The following DHX9 variants were observed in gnomAD, a reference collection of about 807,000 sequenced individuals.
The protein encoded by DHX9 is ATP-dependent RNA helicase A.
In DHX9, 27 loss-of-function variants were observed where a neutral mutation model predicts 148.7. The observed-to-expected ratio is 0.18, with a 90% CI of 0.13 to 0.25. DHX9 has a LOEUF of 0.25. DHX9 is among the 10% of genes least tolerant of loss of function. The pLI is 1.00. For missense variants in DHX9, 796 were observed against 1,559.6 expected, an observed-to-expected ratio of 0.51 and a Z score of 8.25; for synonymous variants, 529 against 516.6, an observed-to-expected ratio of 1.02 and a Z score of -0.33.
intron 15 of DHX9, among the ~76,000 whole-genome samples, chr1:182,872,865 C>G (rs576918687): frequency 1.3e-5 from 2 of 152,276 alleles, no homozygotes. Flanking sequence ...AATTAAGAAT[C>G]CTTTTTAGAG....
intron 3 of DHX9, among the ~76,000 whole-genome samples, chr1:182,843,822 A>C (rs1207976885): frequency 6.6e-6 from 1 of 152,184 alleles, no homozygotes; most frequent in African/African-American, 2.4e-5. Flanking sequence ...GTAAGCGATG[A>C]GGTCTTGCTC....
rs969015473 is a variant in DHX9, at chr1:182,859,191, G to A, written c.1140+74G>A. The A allele has an allele frequency of 3.6e-6, 5 of 1,381,960 alleles. No individual in the cohort carries two copies. In the African/African-American group the frequency reaches 4.3e-5, roughly 12 times the overall value. The allele number at this position is 1,381,960 out of a possible 1,614,324, so 85.6% of individuals were successfully genotyped here. ...CTAGGTATGGGTAAAAAGTCAATGA[G>A]CAGTACATTTTGCCCTTTTAAGGAG... On this transcript the variant is annotated intron_variant, in intron 11 of 27. Coordinates refer to ENST00000367549, the MANE Select transcript of DHX9 (RefSeq NM_001357.5).
intron 14 of DHX9, among the ~76,000 whole-genome samples, chr1:182,867,986 T>TG (rs1472392585): frequency 1.3e-5 from 2 of 152,202 alleles, no homozygotes; most frequent in African/African-American, 4.8e-5. Flanking sequence ...CTAGTTTTTA[T>TG]TTTTTTCTTT....
chr1:182,866,852 A>G, intron 13 of DHX9, 109 bp from the exon 14 acceptor site: 1 of 883,252 alleles, frequency 1.1e-6, no homozygotes, highest in East Asian at 2.5e-5. Flanking sequence ...TGTACATGTG[A>G]TTATTTTCTA....
chr1:182,885,188 G>A (rs951928112), intron 27 of DHX9, among the ~76,000 whole-genome samples: 1 of 152,110 alleles, frequency 6.6e-6, no homozygotes, highest in African/African-American at 2.4e-5. Context: ...AATTGTTTCT[G>A]TATCAAATGT....
chr1:182,857,671 C>G (rs1050482278), intron 7 of DHX9, among the ~76,000 whole-genome samples: 1 of 152,164 alleles, frequency 6.6e-6, no homozygotes. Flanking sequence ...CCTGCAAAGC[C>G]TAAAATATTT....
intron 20 of DHX9, 30 bp downstream of exon 20, chr1:182,878,203 G>A (rs1480962878): frequency 1.2e-6 from 2 of 1,612,360 alleles, no homozygotes; most frequent in Admixed American, 1.7e-5. Flanking sequence ...TTTAGTAAGG[G>A]ATTTTTGTTC....
chr1:182,876,584 G>C, intron 18 of DHX9, 43 bp downstream of exon 18: 1 of 1,527,114 alleles, frequency 6.5e-7, no homozygotes. Flanking sequence ...AAGTGACGTA[G>C]ATACTAAACA....
chr1:182,865,734 T>G (rs961001816), intron 12 of DHX9, among the ~76,000 whole-genome samples: 38 of 152,206 alleles, frequency 2.5e-4, no homozygotes, highest in African/African-American at 8.0e-4. Flanking sequence ...ATGCAGTATA[T>G]AAATCTTCGT....
chr1:182,879,312 T>C lies in DHX9; in HGVS notation c.2414T>C (p.Ile805Thr). The C allele has an allele frequency of 6.5e-7, 1 of 1,546,860 alleles. No individual in the cohort carries two copies. The highest frequency in any genetic ancestry group is 8.8e-7 in the Non-Finnish European group (1 of 1,131,028). The change falls in exon 21 of 28, where the codon ATA becomes ACA. Residue 805 changes from isoleucine (I) to threonine (T), a missense_variant. Around this residue, in one of 14 missense-constraint regions of DHX9, gnomAD observed 122 missense variants for 289.3 expected, o/e 0.42. Coordinates refer to ENST00000367549, the MANE Select transcript of DHX9 (RefSeq NM_001357.5). ...RTPLHEIALS[I>T]KLLRLGGIGQ... Reference sequence around the variant, plus strand: ...CCATTGCATGAAATTGCTCTTAGCATAAAACTTCTGCGTCTAGGAGGAATT... The same window carrying C: ...CCATTGCATGAAATTGCTCTTAGCACAAAACTTCTGCGTCTAGGAGGAATT...
At position 182,845,963 on chromosome 1, in the gene DHX9, T is replaced by C. The variant is rs145996422; in HGVS notation, c.252+2529T>C. On this transcript the variant is annotated intron_variant, in intron 3 of 27. Transcript: ENST00000367549. ...TCCAAACCCTGTCCTTTGGTTTTTA[T>C]GGAAACTTCATTATTCAGTATTGAT... 1.8e-3 allele frequency among the ~76,000 whole-genome samples: 275 copies of C among 152,310 alleles called. 1 individual carries two copies. Among genetic ancestry groups the C allele is most frequent in the African/African-American group, 6.4e-3 (266 of 41,568 alleles).
chr1:182,842,509 A>G, intron 1 of DHX9, 36 bp from the exon 2 acceptor site: 2 of 1,304,386 alleles, frequency 1.5e-6, no homozygotes, highest in South Asian at 1.3e-5. Flanking sequence ...TTTTGCTATT[A>G]TAAATGCTGT....
At chr1:182,879,526 GATA>G (rs1449376604) in intron 21 of DHX9, 116 bp downstream of exon 21, 24 of 988,402 alleles carry the variant, frequency 2.4e-5, no homozygotes, top group South Asian at 3.8e-5. Flanking sequence ...ACAGGGCTGT[GATA>G]ATAATAGTAA....
intron 3 of DHX9, among the ~76,000 whole-genome samples, chr1:182,844,768 C>T (rs745575424): frequency 7.9e-5 from 12 of 152,180 alleles, no homozygotes; most frequent in African/African-American, 2.2e-4. Context: ...CTCCTGACCT[C>T]GGCCTCCCAA....
intron 12 of DHX9, among the ~76,000 whole-genome samples, chr1:182,864,995 CAT>C: frequency 6.6e-6 from 1 of 152,194 alleles, no homozygotes; most frequent in South Asian, 2.1e-4. Context: ...GTACCAGTAG[CAT>C]GTGAACACAC....
intron 1 of DHX9, among the ~76,000 whole-genome samples, chr1:182,840,447 G>T (rs1042741267): frequency 7.9e-5 from 12 of 151,920 alleles, no homozygotes; most frequent in African/African-American, 2.7e-4. Flanking sequence ...CTACAGGCGC[G>T]CGCCACCACG....
chr1:182,845,464 C>G (rs1365043712), intron 3 of DHX9, among the ~76,000 whole-genome samples: 1 of 151,616 alleles, frequency 6.6e-6, no homozygotes, highest in Non-Finnish European at 1.5e-5. Flanking sequence ...TTCTCTCATA[C>G]CACAACAATC....
At chr1:182,866,306 A>T (rs536858199) in intron 12 of DHX9, 138 bp from the exon 13 acceptor site, 38 of 886,962 alleles carry the variant, frequency 4.3e-5, no homozygotes, top group Non-Finnish European at 6.3e-5. Context: ...ACCAAATAGT[A>T]TTTTTTGTAC....
In DHX9 at chr1:182,851,780, AT is replaced by A. The variant is rs796508337; in HGVS notation, c.253-452del. Among the ~76,000 whole-genome samples the A allele has an allele frequency of 3.7e-4, 56 of 152,334 alleles. 1 individual carries two copies. Among genetic ancestry groups the A allele is most frequent in the African/African-American group, 1.3e-3 (54 of 41,572 alleles). On this transcript the variant is annotated intron_variant, in intron 3 of 27. Coordinates refer to ENST00000367549, the MANE Select transcript of DHX9 (RefSeq NM_001357.5). ...GTACTAATGATCTTATAAGAGAAAA[AT>A]ATCTATTCCGTGATCATCTTAATAA...
Sources: gnomAD v4.1 joint callset for allele counts (sites outside exome capture counted in the v4.1 genomes callset) on GRCh38, gnomAD v4.1.1 for gene constraint, gnomAD v4.1.1 regional missense constraint, MANE v1.5 for transcripts, NCBI Gene and HGNC (gene_info 2026-07-23, HGNC 2026-07-21) for gene names.